Variants in THBS4 observed in about 807,000 individuals in gnomAD.
THBS4 encodes the protein thrombospondin-4.
A neutral mutation model predicts 115.7 loss-of-function variants in THBS4; 90 were observed. The ratio of observed to expected loss-of-function variants is 0.78; its 90% CI spans 0.66 to 0.93. The LOEUF is 0.93. THBS4 is among the 40% of genes least tolerant of loss of function. THBS4 has a pLI of 0.00. For missense variants in THBS4, 1,087 were observed against 1,232.7 expected (o/e 0.88, Z 1.77); for synonymous variants, 460 against 479.3 (o/e 0.96, Z 0.53).
At chr5:80,065,597 C>A in intron 9 of THBS4, 120 bp downstream of exon 9, 1 of 842,478 alleles carries the variant, frequency 1.2e-6, no homozygotes, top group Non-Finnish European at 1.7e-6. Flanking sequence ...ATTTGATTGG[C>A]AGAATAAAGG....
At chr5:80,034,809 A>C (rs188500699), upstream of THBS4, among the ~76,000 whole-genome samples, 728 of 152,308 alleles carry the variant, frequency 4.8e-3, 6 homozygotes, top group Non-Finnish European at 5.7e-3. Context: ...TCAGCCTTTC[A>C]AGTATTCAAG....
At chr5:80,077,618 G>T (rs758990074) in intron 16 of THBS4, among the ~76,000 whole-genome samples, 1 of 152,204 alleles carries the variant, frequency 6.6e-6, no homozygotes, top group African/African-American at 2.4e-5. Flanking sequence ...CAACACACAC[G>T]TGGGGGCCAC....
At chr5:80,037,209 C>T (rs1423615191) in intron 1 of THBS4, among the ~76,000 whole-genome samples, 2 of 152,050 alleles carry the variant, frequency 1.3e-5, no homozygotes, top group Non-Finnish European at 2.9e-5. Flanking sequence ...CTCAGACATA[C>T]CTGACCATTT....
intron 20 of THBS4, chr5:80,080,326 A>C (rs1221066072): frequency 2.2e-6 from 1 of 459,600 alleles, no homozygotes; most frequent in Non-Finnish European, 4.0e-6. Flanking sequence ...GGGACGACCC[A>C]GCGTTGTGGG....
chr5:80,065,572 A>C, intron 9 of THBS4, 95 bp downstream of exon 9: 1 of 1,117,004 alleles, frequency 9.0e-7, no homozygotes, highest in South Asian at 1.8e-5. Context: ...CACCTAGAAC[A>C]TGTGGGCATA....
At chr5:80,003,214 C>G (rs1831940953) in intron 2 of THBS4, among the ~76,000 whole-genome samples, 1 of 152,098 alleles carries the variant, frequency 6.6e-6, no homozygotes, top group South Asian at 2.1e-4. Context: ...ACTAATGTTT[C>G]TGGAGTTATT....
intron 2 of THBS4, among the ~76,000 whole-genome samples, chr5:80,006,373 G>C (rs1832019568): frequency 6.6e-6 from 1 of 152,120 alleles, no homozygotes; most frequent in Non-Finnish European, 1.5e-5. Context: ...GTTTTATCAG[G>C]GATTTCCGCT....
At chr5:80,008,244 T>G (rs1832055274) in intron 2 of THBS4, among the ~76,000 whole-genome samples, 1 of 152,222 alleles carries the variant, frequency 6.6e-6, no homozygotes, top group African/African-American at 2.4e-5. Context: ...AATTAAGATG[T>G]AAATGTGGGT....
intron 2 of THBS4, among the ~76,000 whole-genome samples, chr5:80,044,707 G>C (rs256446): frequency 0.24 from 35,948 of 151,882 alleles, 4,700 homozygotes; most frequent in African/African-American, 0.34. Flanking sequence ...TTACAGGTCT[G>C]AGCCACCACA....
chr5:80,059,943 A>G (rs1180511354), intron 7 of THBS4, 38 bp downstream of exon 7: 4 of 1,576,554 alleles, frequency 2.5e-6, no homozygotes, highest in Admixed American at 3.3e-5. Flanking sequence ...ATCCCTAAGT[A>G]TCCTCCTCAC....
intron 2 of THBS4, among the ~76,000 whole-genome samples, chr5:80,028,423 C>A (rs1298936666): frequency 2.0e-5 from 3 of 151,972 alleles, no homozygotes; most frequent in Non-Finnish European, 4.4e-5. Flanking sequence ...ATAGTCGATA[C>A]TATACACTAT....
In THBS4 at chr5:80,059,684, G is replaced by A. The variant is rs114312402; in HGVS notation, c.785-19G>A. ...CTTCCTGGCGGTGAATACGCCTGTG[G>A]ATGATTGTTTTTCTCTAGGTCCTCT... is the stretch of plus-strand genomic sequence containing the variant. On this transcript the variant is annotated intron_variant, in intron 6 of 21. Coordinates refer to ENST00000350881, the MANE Select transcript of THBS4 (RefSeq NM_003248.6). 334 of 1,613,076 alleles carry A rather than the reference G, an allele frequency of 2.1e-4. 1 individual carries two copies. In the African/African-American group the frequency reaches 4.2e-3, roughly 20 times the overall value.
rs1258201752 is a variant in THBS4, at chr5:80,059,934, T to C, written c.987+29T>C. 3 of 1,589,842 alleles carry C rather than the reference T, an allele frequency of 1.9e-6. No individual in the cohort carries two copies. The East Asian group carries it at 6.7e-5, about 36-fold the overall frequency. ...AAAGTTCACTTAGACTGGGAGGGGA[T>C]CCCTAAGTATCCTCCTCACCCTGCA... On this transcript the variant is annotated intron_variant, in intron 7 of 21. Transcript: ENST00000350881.
intron 2 of THBS4, among the ~76,000 whole-genome samples, chr5:80,045,386 G>A (rs1160190346): frequency 6.6e-6 from 1 of 152,112 alleles, no homozygotes; most frequent in Non-Finnish European, 1.5e-5. Flanking sequence ...ATGTCAAATA[G>A]TTCAGAGTAG....
intron 2 of THBS4, among the ~76,000 whole-genome samples, chr5:80,018,377 A>C (rs1388844827): frequency 1.4e-5 from 2 of 147,006 alleles, no homozygotes; most frequent in Non-Finnish European, 3.0e-5. Flanking sequence ...CAGAAGTTCC[A>C]GTTCAAATAT....
chr5:80,080,839 C>G (rs1036533380), intron 20 of THBS4, among the ~76,000 whole-genome samples: 4 of 152,076 alleles, frequency 2.6e-5, no homozygotes, highest in African/African-American at 9.7e-5. Flanking sequence ...CCCGCCTCGG[C>G]CTCCCAAAGT....
At chr5:80,060,044 C>T in intron 7 of THBS4, 139 bp downstream of exon 7, 1 of 759,456 alleles carries the variant, frequency 1.3e-6, no homozygotes, top group Admixed American at 2.5e-5. Flanking sequence ...TGCTTGGAGA[C>T]CCTGAGACAA....
intron 2 of THBS4, among the ~76,000 whole-genome samples, chr5:79,999,942 A>G (rs189145950): frequency 4.1e-4 from 62 of 152,270 alleles, no homozygotes; most frequent in South Asian, 2.1e-4. Context: ...ACAGGGTCCA[A>G]TGAGTTTGAA....
chr5:80,078,698 CA>C, intron 17 of THBS4: 1 of 479,348 alleles, frequency 2.1e-6, no homozygotes, highest in South Asian at 4.9e-5. Context: ...ACAGTCTCAG[CA>C]AACTTATTTC....
Sources: gnomAD v4.1 joint callset for allele counts (sites outside exome capture counted in the v4.1 genomes callset) on GRCh38, gnomAD v4.1.1 for gene constraint, MANE v1.5 for transcripts, NCBI Gene and HGNC (gene_info 2026-07-23, HGNC 2026-07-21) for gene names.